SCARA3: variants seen among roughly 807,000 people sequenced by gnomAD.
SCARA3 encodes cellular stress response gene protein.
Under a neutral mutation model 47.0 loss-of-function variants are expected in SCARA3, and 39 were observed. The observed-to-expected ratio is 0.83, with a 90% CI of 0.64 to 1.08. SCARA3 has a LOEUF of 1.08. Ranked by LOEUF, SCARA3 falls within the 50% of genes least tolerant of loss-of-function variation. The probability of loss-of-function intolerance (pLI) is 0.00; values close to 1 mark genes in which losing one functional copy is unlikely to be tolerated. For synonymous variants in SCARA3, 356 were observed against 334.1 expected (o/e 1.07, Z -0.71); for missense variants, 724 against 792.3 (o/e 0.91, Z 1.04).
In SCARA3 at chr8:27,648,957, T is replaced by C. The variant is rs556850816; in HGVS notation, c.8-745T>C. 2.0e-5 allele frequency among the ~76,000 whole-genome samples: 3 copies of C among 146,912 alleles called. No individual in the cohort carries two copies. The South Asian group carries it at 6.6e-4, about 32-fold the overall frequency. Reference sequence around the variant, plus strand: ...GAGGTAAGGAAAGGAGGGAGGAAAGTAGGGAAGGAAGGATGGAAGGAAGGA... The same window carrying C: ...GAGGTAAGGAAAGGAGGGAGGAAAGCAGGGAAGGAAGGATGGAAGGAAGGA... On this transcript the variant is annotated intron_variant, in intron 1 of 5. Transcript: ENST00000301904.
intron 1 of SCARA3, 24 bp downstream of exon 1, chr8:27,634,231 G>A (rs752644435): frequency 1.5e-6 from 2 of 1,346,848 alleles, no homozygotes; most frequent in South Asian, 4.2e-5. Context: ...GTCGGGGGCA[G>A]CTCCGAGGGG....
At chr8:27,640,415 C>T (rs1000914158) in intron 1 of SCARA3, among the ~76,000 whole-genome samples, 4 of 152,094 alleles carry the variant, frequency 2.6e-5, no homozygotes, top group South Asian at 4.2e-4. Context: ...GAGACATAGT[C>T]TCACTCTGTG....
the SCARA3 span, among the ~76,000 whole-genome samples, chr8:27,704,275 G>A: frequency 6.6e-6 from 1 of 151,950 alleles, no homozygotes; most frequent in Non-Finnish European, 1.5e-5. Flanking sequence ...GCAAGACCTT[G>A]TCTCTACAAA....
intron 5 of SCARA3, among the ~76,000 whole-genome samples, chr8:27,667,443 C>G (rs560136712): frequency 6.6e-6 from 1 of 152,220 alleles, no homozygotes; most frequent in South Asian, 2.1e-4. Context: ...CAGGCAGTGC[C>G]TAGGATTGCA....
At chr8:27,733,754 C>T in the SCARA3 span, 4 of 152,320 alleles carry the variant, frequency 2.6e-5, no homozygotes, top group East Asian at 1.9e-4. Flanking sequence ...GTCAATATCA[C>T]GCGTAGGAAA....
the SCARA3 span, chr8:27,701,629 G>T: frequency 6.7e-6 from 1 of 148,890 alleles, no homozygotes; most frequent in African/African-American, 2.5e-5. Flanking sequence ...TTAGTGGCAA[G>T]GTCTTGTTTT....
intron 1 of SCARA3, among the ~76,000 whole-genome samples, chr8:27,640,901 T>A (rs760811067): frequency 7.9e-5 from 12 of 152,212 alleles, no homozygotes; most frequent in Non-Finnish European, 5.9e-5. Flanking sequence ...TTCACCCTGT[T>A]CCCCAGGCTG....
At chr8:27,679,642 A>C (rs1279489518), downstream of SCARA3, among the ~76,000 whole-genome samples, 2 of 152,214 alleles carry the variant, frequency 1.3e-5, no homozygotes, top group Non-Finnish European at 2.9e-5. Context: ...TACAGAACAC[A>C]ATAACCAACA....
At chr8:27,704,086 G>A in the SCARA3 span, among the ~76,000 whole-genome samples, 2 of 151,808 alleles carry the variant, frequency 1.3e-5, no homozygotes, top group African/African-American at 4.8e-5. Context: ...AACATCCAAA[G>A]TAAGGAAGAA....
downstream of SCARA3, among the ~76,000 whole-genome samples, chr8:27,681,544 G>A (rs577931693): frequency 3.3e-5 from 5 of 152,054 alleles, no homozygotes; most frequent in South Asian, 2.1e-4. Flanking sequence ...GGCAACAGAA[G>A]CGAGACTTCA....
At chr8:27,697,510 A>T in the SCARA3 span, 2,657 of 152,438 alleles carry the variant, frequency 0.017, 42 homozygotes, top group South Asian at 0.063. Flanking sequence ...CTTGTCGTGA[A>T]AGTAAATATC....
intron 2 of SCARA3, among the ~76,000 whole-genome samples, chr8:27,650,125 T>A (rs542011065): frequency 6.6e-6 from 1 of 152,326 alleles, no homozygotes; most frequent in African/African-American, 2.4e-5. Context: ...CCCAAGTAGC[T>A]GTGACTGTTG....
At chr8:27,639,549 GAGGGAGCCCTA>G (rs1346957447) in intron 1 of SCARA3, among the ~76,000 whole-genome samples, 4 of 152,124 alleles carry the variant, frequency 2.6e-5, no homozygotes, top group Admixed American at 1.3e-4. Flanking sequence ...GCCTGCAGTT[GAGGGAGCCCTA>G]AGCCAGAAAG....
chr8:27,657,969 A>C (rs1335474188), intron 4 of SCARA3, among the ~76,000 whole-genome samples: 2 of 152,114 alleles, frequency 1.3e-5, no homozygotes, highest in Non-Finnish European at 2.9e-5. Context: ...TTAACCTGGA[A>C]CAATCTAAGA....
At position 27,651,507 on chromosome 8, in the gene SCARA3, G is replaced by T; in HGVS notation, c.107-1G>T. 1 of 1,611,494 alleles carries T rather than the reference G, an allele frequency of 6.2e-7. No homozygotes were observed. ...CATTGTCCTCCTTGTGTCCCCCACAGGCCGGCCAGGGCCCCGCTGCAGCCG... is the reference window on the plus strand; with the variant it reads ...CATTGTCCTCCTTGTGTCCCCCACATGCCGGCCAGGGCCCCGCTGCAGCCG... On this transcript the variant is annotated splice_acceptor_variant, in intron 2 of 5. Transcript: ENST00000301904. LOFTEE classifies it high-confidence loss of function.
chr8:27,706,152 T>C, the SCARA3 span, among the ~76,000 whole-genome samples: 3 of 152,102 alleles, frequency 2.0e-5, no homozygotes, highest in Non-Finnish European at 4.4e-5. Context: ...TTTATTTGTT[T>C]GTTTTTGTTT....
In SCARA3 at chr8:27,671,067, G is replaced by A. The variant is rs759949246; in HGVS notation, c.1537G>A (p.Val513Ile). The A allele has an allele frequency of 6.2e-7, 1 of 1,611,990 alleles. No homozygotes were observed. Among genetic ancestry groups the A allele is most frequent in the South Asian group, 1.1e-5 (1 of 91,024 alleles). Residue 513 changes from valine to isoleucine, a missense_variant, in exon 6 of 6, where the codon GTT (valine) becomes ATT (isoleucine). By Grantham distance (29) the Val-to-Ile change is conservative (BLOSUM62 3). Coordinates refer to ENST00000301904, the MANE Select transcript of SCARA3 (RefSeq NM_016240.3). ...CGGGCCTGTGGGAGAAAGGGGCCCT[G>A]TTGGCCCTCGAGGGTTCCCAGGCCT... ...EAGPVGERGP[V>I]GPRGFPGLKG...
downstream of SCARA3, among the ~76,000 whole-genome samples, chr8:27,678,229 G>C (rs1802307044): frequency 1.3e-5 from 2 of 152,072 alleles, no homozygotes; most frequent in South Asian, 4.2e-4. Flanking sequence ...GAAAAATATA[G>C]AGAAAAATTC....
chr8:27,720,132 G>A, the SCARA3 span, among the ~76,000 whole-genome samples: 1 of 151,162 alleles, frequency 6.6e-6, no homozygotes, highest in African/African-American at 2.4e-5. Context: ...GGAGATTATA[G>A]GAGATGTGGG....
Sources: allele counts gnomAD v4.1 joint callset (sites outside exome capture counted in the v4.1 genomes callset), GRCh38; gene constraint gnomAD v4.1.1; transcripts MANE v1.5; gene names NCBI Gene and HGNC (gene_info 2026-07-23, HGNC 2026-07-21).